The following STX5 variants were observed in gnomAD, a reference collection of about 807,000 sequenced individuals.
STX5 encodes syntaxin 5, also known as syntaxin-5.
Under a neutral mutation model 42.9 loss-of-function variants are expected in STX5, and 15 were observed. The observed-to-expected ratio is 0.35, with a 90% CI of 0.23 to 0.54. The LOEUF (loss-of-function observed/expected upper bound fraction) is 0.54, where lower values mean the gene tolerates loss of function less well. STX5 is among the 20% of genes least tolerant of loss of function. The probability of loss-of-function intolerance (pLI) is 0.91; values close to 1 mark genes in which losing one functional copy is unlikely to be tolerated. For missense variants in STX5, 430 were observed against 455.0 expected (o/e 0.95, Z 0.50); for synonymous variants, 184 against 173.2 (o/e 1.06, Z -0.49).
At chr11:62,812,563 C>T (rs1018139631) in intron 10 of STX5, among the ~76,000 whole-genome samples, 10 of 151,920 alleles carry the variant, frequency 6.6e-5, no homozygotes, top group Admixed American at 5.2e-4. Context: ...GGACTACAGG[C>T]GCCGGTCACC....
intron 10 of STX5, among the ~76,000 whole-genome samples, chr11:62,809,976 C>A (rs2084598389): frequency 6.6e-6 from 1 of 151,628 alleles, no homozygotes; most frequent in African/African-American, 2.4e-5. Flanking sequence ...GTGACGTGCA[C>A]CTGTAACCCC....
At chr11:62,825,243 A>G (rs2084781726) in intron 7 of STX5, 40 bp downstream of exon 7, 2 of 1,612,638 alleles carry the variant, frequency 1.2e-6, no homozygotes, top group Non-Finnish European at 1.7e-6. Flanking sequence ...TTGGATCTTT[A>G]CTCCCATATT....
chr11:62,820,010 T>C (rs1026485341), intron 10 of STX5, among the ~76,000 whole-genome samples: 8 of 150,580 alleles, frequency 5.3e-5, no homozygotes, highest in Admixed American at 4.0e-4. Flanking sequence ...GGCCAGTAAG[T>C]GGAGTTGTTG....
At chr11:62,827,036 T>C in intron 5 of STX5, 119 bp downstream of exon 5, 1 of 856,342 alleles carries the variant, frequency 1.2e-6, no homozygotes, top group South Asian at 1.6e-5. Flanking sequence ...GTCAACACAG[T>C]GAGACCCCCC....
At chr11:62,824,124 A>G in intron 10 of STX5, 42 bp downstream of exon 10, 1 of 1,613,588 alleles carries the variant, frequency 6.2e-7, no homozygotes, top group Non-Finnish European at 8.5e-7. Flanking sequence ...ATCCACGGGG[A>G]AGAGAAAGCT....
At chr11:62,828,560 A>G (rs2084820183) in intron 2 of STX5, among the ~76,000 whole-genome samples, 2 of 151,718 alleles carry the variant, frequency 1.3e-5, no homozygotes, top group Non-Finnish European at 2.9e-5. Context: ...CCCCATCTCT[A>G]CTAAAAATAC....
At chr11:62,813,779 T>C (rs1475085630) in intron 10 of STX5, among the ~76,000 whole-genome samples, 1 of 152,186 alleles carries the variant, frequency 6.6e-6, no homozygotes, top group Non-Finnish European at 1.5e-5. Context: ...CTGAGAAGAC[T>C]GAAGTGGTCT....
chr11:62,825,569 T>C, intron 5 of STX5, 30 bp from the exon 6 acceptor site: 1 of 1,600,578 alleles, frequency 6.2e-7, no homozygotes, highest in Non-Finnish European at 8.6e-7. Context: ...AAAAACAAAG[T>C]ATTAGCCAAG....
intron 9 of STX5, 28 bp from the exon 10 acceptor site, chr11:62,824,315 C>CA: frequency 6.2e-7 from 1 of 1,614,118 alleles, no homozygotes; most frequent in Non-Finnish European, 8.5e-7. Flanking sequence ...AGCACATGAG[C>CA]ACCAACAGCT....
chr11:62,809,264 G>GGTA (rs1259019465), intron 10 of STX5, among the ~76,000 whole-genome samples: 1 of 149,416 alleles, frequency 6.7e-6, no homozygotes, highest in African/African-American at 2.5e-5. Context: ...CTCCAGCCTG[G>GGTA]GTGACAGAGC....
At chr11:62,831,598 C>A (rs576840934) in intron 1 of STX5, among the ~76,000 whole-genome samples, 1 of 152,338 alleles carries the variant, frequency 6.6e-6, no homozygotes, top group Non-Finnish European at 1.5e-5. Context: ...CCAGCCCTTT[C>A]GTTTCCGCGG....
chr11:62,810,337 G>A lies in STX5; in HGVS notation c.909-2709C>T, dbSNP rs189612187. ...TGTACCTGTTATCCCAGCTACTGGGGAGGCTGAGGTGGGGGGATCACTTGT... is the reference window on the plus strand; with the variant it reads ...TGTACCTGTTATCCCAGCTACTGGGAAGGCTGAGGTGGGGGGATCACTTGT... On this transcript the variant is annotated intron_variant, in intron 10 of 10. Transcript: ENST00000294179. 2.6e-3 allele frequency among the ~76,000 whole-genome samples: 403 copies of A among 152,228 alleles called. 2 individuals carry two copies. The highest frequency in any genetic ancestry group is 8.4e-3 in the African/African-American group (351 of 41,546).
chr11:62,828,690 C>A (rs2084821980), intron 2 of STX5, among the ~76,000 whole-genome samples: 1 of 152,130 alleles, frequency 6.6e-6, no homozygotes, highest in Non-Finnish European at 1.5e-5. Context: ...CCCACCACTG[C>A]ACTCCAGCCT....
chr11:62,808,566 T>C (rs1484541596), intron 10 of STX5, among the ~76,000 whole-genome samples: 1 of 151,966 alleles, frequency 6.6e-6, no homozygotes, highest in Non-Finnish European at 1.5e-5. Context: ...TTGAACAACA[T>C]GGTAAGACAC....
chr11:62,831,717 A>AC (rs1420574890), intron 1 of STX5, among the ~76,000 whole-genome samples: 31 of 122,198 alleles, frequency 2.5e-4, no homozygotes, highest in Admixed American at 4.1e-4. Context: ...AGGAAGTCCC[A>AC]CCCCCCGCCC....
intron 10 of STX5, among the ~76,000 whole-genome samples, chr11:62,809,256 C>G (rs1415377135): frequency 2.0e-5 from 3 of 147,552 alleles, no homozygotes; most frequent in Non-Finnish European, 4.5e-5. Context: ...CCACTGCACT[C>G]CAGCCTGGGT....
chr11:62,831,410 C>T, intron 1 of STX5, 148 bp from the exon 2 acceptor site: 2 of 696,316 alleles, frequency 2.9e-6, no homozygotes, highest in East Asian at 2.7e-5. Flanking sequence ...GGCGGACCAG[C>T]AGCGGAAAGG....
Position 62,824,223 on chromosome 11 carries a change from C to T in STX5, c.851G>A (p.Gly284Asp), listed in dbSNP as rs757966354. ...QNIESTIVEL[G>D]SIFQQLAHMV... ...GTGTGCCAACTGCTGAAAGATGGAG[C>T]CCAACTCAACAATTGTCGACTCAAT... The change falls in exon 10 of 11, where the codon GGC (glycine) becomes GAC (aspartate). Residue 284 changes from glycine to aspartate, a missense_variant. Gly to Asp is a moderately conservative substitution (Grantham distance 94). Coordinates refer to ENST00000294179, the MANE Select transcript of STX5 (RefSeq NM_003164.5). 1 of 1,614,162 alleles carries T rather than the reference C, an allele frequency of 6.2e-7. No homozygotes were observed. The highest frequency in any genetic ancestry group is 8.5e-7 in the Non-Finnish European group (1 of 1,180,032).
chr11:62,831,892 C>G, intron 1 of STX5, 62 bp downstream of exon 1: 1 of 457,468 alleles, frequency 2.2e-6, no homozygotes, highest in Non-Finnish European at 4.4e-6. Flanking sequence ...GTCGTCGCCC[C>G]CGTAAAACCA....
Sources: gnomAD v4.1 joint callset for allele counts (sites outside exome capture counted in the v4.1 genomes callset) on GRCh38, gnomAD v4.1.1 for gene constraint, MANE v1.5 for transcripts, NCBI Gene and HGNC (gene_info 2026-07-23, HGNC 2026-07-21) for gene names.